ENTPD1: variants seen among roughly 807,000 people sequenced by gnomAD.
The protein encoded by ENTPD1 is ATP diphosphohydrolase.
Under a neutral mutation model 57.0 loss-of-function variants are expected in ENTPD1, and 33 were observed. The ratio of observed to expected loss-of-function variants is 0.58; its 90% confidence interval spans 0.44 to 0.77. The LOEUF is 0.77. ENTPD1 is among the 30% of genes least tolerant of loss of function. ENTPD1 has a pLI of 0.00. For missense variants in ENTPD1, 501 were observed against 603.4 expected, an observed-to-expected ratio of 0.83 and a Z score of 1.78; for synonymous variants, 202 against 218.8, an observed-to-expected ratio of 0.92 and a Z score of 0.68.
intron 1 of ENTPD1, among the ~76,000 whole-genome samples, chr10:95,802,341 T>C (rs1399945378): frequency 6.6e-6 from 1 of 152,202 alleles, no homozygotes; most frequent in Non-Finnish European, 1.5e-5. Context: ...AGCTCTCAGA[T>C]AGCACACCTC....
chr10:95,735,193 G>A (rs936978222), intron 1 of ENTPD1, among the ~76,000 whole-genome samples: 60 of 152,084 alleles, frequency 3.9e-4, no homozygotes, highest in African/African-American at 1.4e-3. Context: ...CACCACACCT[G>A]GCCAATTTTG....
the ENTPD1 span, among the ~76,000 whole-genome samples, chr10:95,696,039 A>C: frequency 9.7e-4 from 148 of 152,328 alleles, no homozygotes; most frequent in Non-Finnish European, 2.0e-3. Context: ...GGCAACTCTC[A>C]AATAGTGTTA....
At chr10:95,769,125 A>G (rs1460530443) in intron 1 of ENTPD1, among the ~76,000 whole-genome samples, 1 of 152,208 alleles carries the variant, frequency 6.6e-6, no homozygotes, top group Non-Finnish European at 1.5e-5. Context: ...CTCGCCATGT[A>G]CAGTAGTCAT....
chr10:95,868,271 C>T lies in ENTPD1; in HGVS notation c.*1888C>T, dbSNP rs1256826021. Reference sequence around the variant, plus strand: ...TACCAGGCTGTCTCCTCATAACTTCCAAGCATGCACTTAAAACTCCACATG... The same window carrying T: ...TACCAGGCTGTCTCCTCATAACTTCTAAGCATGCACTTAAAACTCCACATG... On this transcript the variant is annotated 3_prime_UTR_variant, in exon 10 of 10. Transcript: ENST00000371205. 1.0e-6 allele frequency: 1 copy of T among 985,314 alleles called. No homozygotes were observed. The highest frequency in any genetic ancestry group is 1.2e-6 in the Non-Finnish European group (1 of 829,944). 61.0% of individuals were successfully genotyped at this position (985,314 alleles called of 1,614,324 possible).
chr10:95,850,892 T>C (rs530606645), intron 7 of ENTPD1, among the ~76,000 whole-genome samples: 5 of 152,200 alleles, frequency 3.3e-5, no homozygotes, highest in Non-Finnish European at 7.4e-5. Flanking sequence ...ACAGAGAATT[T>C]GTTGGGGAGG....
chr10:95,726,164 G>A (rs76305918), intron 1 of ENTPD1, among the ~76,000 whole-genome samples: 17 of 152,256 alleles, frequency 1.1e-4, no homozygotes, highest in African/African-American at 3.6e-4. Flanking sequence ...AATTTCTGGT[G>A]CACTGAAATG....
chr10:95,775,185 G>C (rs964605997), intron 1 of ENTPD1, among the ~76,000 whole-genome samples: 3 of 152,230 alleles, frequency 2.0e-5, no homozygotes, highest in Admixed American at 2.0e-4. Flanking sequence ...TTTGTATCCT[G>C]AGACTTTGCT....
Position 95,876,229 on chromosome 10 carries a change from C to A in ENTPD1, c.*9846C>A. The A allele has an allele frequency of 1.0e-6, 1 of 975,844 alleles. No individual in the cohort carries two copies. Among genetic ancestry groups the A allele is most frequent in the Non-Finnish European group, 1.2e-6 (1 of 821,284 alleles). 60.4% of individuals were successfully genotyped at this position (975,844 alleles called of 1,614,324 possible). A position where few individuals can be genotyped will look rare whatever the true frequency, so the allele number is the denominator to read the frequency against. On this transcript the variant is annotated 3_prime_UTR_variant, in exon 10 of 10. Coordinates refer to ENST00000371205, the MANE Select transcript of ENTPD1 (RefSeq NM_001776.6). The stretch of plus-strand genomic sequence containing the variant: ...ACTCCTATAAAAATGTAAAGAAACA[C>A]ATAATGTAGATTGCTAATTTTATAA...
At chr10:95,707,912 T>A (rs539666925), upstream of ENTPD1, among the ~76,000 whole-genome samples, 8 of 152,340 alleles carry the variant, frequency 5.3e-5, no homozygotes, top group South Asian at 1.7e-3. Context: ...GCCATCACTT[T>A]GTAAAAATTA....
chr10:95,816,881 T>C (rs2098331636), intron 1 of ENTPD1, among the ~76,000 whole-genome samples: 1 of 152,242 alleles, frequency 6.6e-6, no homozygotes, highest in African/African-American at 2.4e-5. Flanking sequence ...GAAGGCTAAA[T>C]TGATGGCTGC....
At chr10:95,748,055 A>G (rs1016334339) in intron 1 of ENTPD1, among the ~76,000 whole-genome samples, 1 of 151,786 alleles carries the variant, frequency 6.6e-6, no homozygotes, top group African/African-American at 2.4e-5. Flanking sequence ...TTGTATTTTT[A>G]GTAGAGACGG....
chr10:95,802,477 C>T (rs751877145), intron 1 of ENTPD1, among the ~76,000 whole-genome samples: 2 of 151,184 alleles, frequency 1.3e-5, no homozygotes, highest in Non-Finnish European at 2.9e-5. Flanking sequence ...TAAAATTATG[C>T]GTTAAGTTCT....
intron 1 of ENTPD1, among the ~76,000 whole-genome samples, chr10:95,774,269 A>G (rs2098125715): frequency 6.6e-6 from 1 of 152,136 alleles, no homozygotes; most frequent in African/African-American, 2.4e-5. Flanking sequence ...ATTTTCTCCC[A>G]TTCTGTAGGT....
upstream of ENTPD1, chr10:95,711,754 T>G: frequency 1.6e-6 from 1 of 634,774 alleles, no homozygotes; most frequent in Non-Finnish European, 2.7e-6. Context: ...AGCCTCCCCT[T>G]CAGGTCTTCA....
chr10:95,789,318 A>T (rs920276640), intron 1 of ENTPD1, among the ~76,000 whole-genome samples: 11 of 152,220 alleles, frequency 7.2e-5, no homozygotes, highest in African/African-American at 2.2e-4. Context: ...GAAACTCAGT[A>T]TGAGTTGATA....
At chr10:95,728,169 G>A (rs2097985607) in intron 1 of ENTPD1, among the ~76,000 whole-genome samples, 1 of 152,138 alleles carries the variant, frequency 6.6e-6, no homozygotes, top group Non-Finnish European at 1.5e-5. Context: ...TAAAAAATTA[G>A]CATGTAACTG....
At chr10:95,838,041 C>A (rs1385248551) in intron 2 of ENTPD1, among the ~76,000 whole-genome samples, 1 of 152,030 alleles carries the variant, frequency 6.6e-6, no homozygotes, top group Non-Finnish European at 1.5e-5. Context: ...AAGTGGCAGA[C>A]CATACTTTGA....
chr10:95,734,565 C>T (rs191224622), intron 1 of ENTPD1, among the ~76,000 whole-genome samples: 161 of 152,284 alleles, frequency 1.1e-3, no homozygotes, highest in African/African-American at 2.5e-3. Flanking sequence ...AACAATTAAA[C>T]GGAGAAGGGG....
chr10:95,707,348 G>A (rs570601162), upstream of ENTPD1, among the ~76,000 whole-genome samples: 2 of 152,274 alleles, frequency 1.3e-5, no homozygotes, highest in East Asian at 1.9e-4. Context: ...CCACAGTTTG[G>A]GGGGGCTGCA....
Sources: gnomAD v4.1 joint callset for allele counts (sites outside exome capture counted in the v4.1 genomes callset) on GRCh38, gnomAD v4.1.1 for gene constraint, MANE v1.5 for transcripts, NCBI Gene and HGNC (gene_info 2026-07-23, HGNC 2026-07-21) for gene names.